The following C10orf67 variants were observed in gnomAD, a reference collection of about 807,000 sequenced individuals.
C10orf67 encodes chromosome 10 open reading frame 67, also known as uncharacterized protein C10orf67, mitochondrial.
In C10orf67, 60 loss-of-function variants were observed where a neutral mutation model predicts 35.6. The ratio of observed to expected loss-of-function variants is 1.68; its 90% CI spans 1.37 to 2.09. The LOEUF is 2.09. Among genes scored for constraint, C10orf67 ranks in the 30% most tolerant of loss-of-function variants. The pLI is 0.00. For synonymous variants in C10orf67, 167 were observed against 115.8 expected (o/e 1.44, Z -2.84); for missense variants, 474 against 330.2 (o/e 1.44, Z -3.38).
Position 23,344,027 on chromosome 10 carries a change from G to A in C10orf67, c.206+542C>T, listed in dbSNP as rs1483844938. ...GCAGCCCCGGACGTGCGCCTCCCGC[G>A]GAGCCGCTCGCTCTCCTGAGTCGGA... On this transcript the variant is annotated intron_variant, in intron 1 of 15. Transcript: ENST00000636213. 4 of 388,432 alleles carry A rather than the reference G, an allele frequency of 1.0e-5. No homozygotes were observed. In the Admixed American group the frequency reaches 1.1e-4, roughly 11 times the overall value. The allele number at this position is 388,432 out of a possible 1,614,324, so 24.1% of individuals were successfully genotyped here.
At chr10:23,254,040 ACTGGT>A (rs912006426) in intron 10 of C10orf67, among the ~76,000 whole-genome samples, 12 of 152,188 alleles carry the variant, frequency 7.9e-5, no homozygotes, top group Non-Finnish European at 1.8e-4. Flanking sequence ...GAATACACAC[ACTGGT>A]CTTTATGTGG....
At chr10:23,322,962 G>A (rs949690078) in intron 2 of C10orf67, among the ~76,000 whole-genome samples, 2 of 152,094 alleles carry the variant, frequency 1.3e-5, no homozygotes, top group South Asian at 2.1e-4. Context: ...CTGGGTTCCT[G>A]GTCAGAGGTC....
chr10:23,208,003 C>G (rs952968788), intron 15 of C10orf67, among the ~76,000 whole-genome samples: 13 of 152,166 alleles, frequency 8.5e-5, no homozygotes, highest in Non-Finnish European at 1.9e-4. Context: ...TTATGAAAGA[C>G]CGGGCTGCCA....
In C10orf67 at chr10:23,202,849, T is replaced by C. The variant is rs919237033; in HGVS notation, c.*1324A>G. 1 of 152,232 alleles carries C rather than the reference T, an allele frequency of 6.6e-6. No homozygotes were observed. The highest frequency in any genetic ancestry group is 6.5e-5 in the Admixed American group (1 of 15,286). The allele number at this position is 152,232 out of a possible 1,614,324, so 9.4% of individuals were successfully genotyped here. On this transcript the variant is annotated 3_prime_UTR_variant, in exon 16 of 16. Coordinates refer to ENST00000636213, the MANE Select transcript of C10orf67 (RefSeq NM_001371909.1). The stretch of plus-strand genomic sequence containing the variant: ...TCCAAGGAATTTCTGTCCAGGACGA[T>C]GGCACAGAGAATACAAATTTTATTT...
rs191117894 is a variant in C10orf67 at position 23,225,832 on chromosome 10, T to C, written c.1435-2014A>G. ...CGAGAAGAGCTAGCTATCCTAAATATATATGCACCCAATACAGGAGCAGCC... is the reference window on the plus strand; with the variant it reads ...CGAGAAGAGCTAGCTATCCTAAATACATATGCACCCAATACAGGAGCAGCC... On this transcript the variant is annotated intron_variant, in intron 13 of 15. Coordinates refer to ENST00000636213, the MANE Select transcript of C10orf67 (RefSeq NM_001371909.1). Among the ~76,000 whole-genome samples, 7 of 152,284 alleles carry C rather than the reference T, an allele frequency of 4.6e-5. No individual in the cohort carries two copies. The East Asian group carries it at 1.3e-3, about 29-fold the overall frequency.
chr10:23,315,604 G>C (rs1354541217), intron 4 of C10orf67, among the ~76,000 whole-genome samples: 1 of 151,818 alleles, frequency 6.6e-6, no homozygotes, highest in Non-Finnish European at 1.5e-5. Context: ...ATGCCCAGCT[G>C]ATCTTTTTGT....
chr10:23,322,594 C>T (rs1845003067), intron 2 of C10orf67, 57 bp from the exon 3 acceptor site: 2 of 1,188,774 alleles, frequency 1.7e-6, no homozygotes, highest in South Asian at 1.4e-5. Context: ...AAACCAAATA[C>T]TGCATGTTGT....
In C10orf67 at chr10:23,322,526, G is replaced by A. The variant is rs769147116; in HGVS notation, c.339C>T (p.Ser113=). The A allele has an allele frequency of 1.2e-6, 2 of 1,601,986 alleles. No homozygotes were observed. The highest frequency in any genetic ancestry group is 1.1e-5 in the South Asian group (1 of 89,722). Residue 113 remains serine, a synonymous_variant, in exon 3 of 16, where the codon TCC becomes TCT. Coordinates refer to ENST00000636213, the MANE Select transcript of C10orf67 (RefSeq NM_001371909.1). Reference sequence around the variant, plus strand: ...TGAGGAACCCAAAATCTACCTGGAGGGATTTCATCATCTAAAAATGGAAAA... The same window carrying A: ...TGAGGAACCCAAAATCTACCTGGAGAGATTTCATCATCTAAAAATGGAAAA... The part of the protein sequence containing the change: ...STQKLAQMMK[S]LQVDFGFLKQ...
chr10:23,310,839 C>G (rs1844468152), intron 4 of C10orf67, among the ~76,000 whole-genome samples: 1 of 152,206 alleles, frequency 6.6e-6, no homozygotes, highest in Non-Finnish European at 1.5e-5. Flanking sequence ...TCCTCTTGAC[C>G]AGCTTTGTCC....
At chr10:23,335,797 C>G (rs1159834819) in intron 1 of C10orf67, among the ~76,000 whole-genome samples, 1 of 152,160 alleles carries the variant, frequency 6.6e-6, no homozygotes, top group East Asian at 1.9e-4. Context: ...TTTCTCATTA[C>G]ATACACTCCA....
intron 4 of C10orf67, among the ~76,000 whole-genome samples, chr10:23,304,062 C>G (rs1844183620): frequency 6.6e-6 from 1 of 152,210 alleles, no homozygotes; most frequent in Non-Finnish European, 1.5e-5. Context: ...TGGTGACAAG[C>G]CCACAGGCCT....
chr10:23,306,000 T>A (rs1040430005), intron 4 of C10orf67, among the ~76,000 whole-genome samples: 1 of 151,196 alleles, frequency 6.6e-6, no homozygotes, highest in Non-Finnish European at 1.5e-5. Context: ...CTCTCTCACA[T>A]ACACACACAC....
chr10:23,227,839 T>C (rs1381506238), intron 13 of C10orf67, among the ~76,000 whole-genome samples: 1 of 152,188 alleles, frequency 6.6e-6, no homozygotes, highest in Non-Finnish European at 1.5e-5. Context: ...CCATTCATAA[T>C]TGCTTCAAAG....
chr10:23,224,352 G>A (rs990971471), intron 13 of C10orf67, among the ~76,000 whole-genome samples: 1 of 152,124 alleles, frequency 6.6e-6, no homozygotes, highest in South Asian at 2.1e-4. Flanking sequence ...AAACAGAAAG[G>A]ACATCCACAC....
In C10orf67 at chr10:23,292,895, A is replaced by T. The variant is rs192497907; in HGVS notation, c.703-1616T>A. On this transcript the variant is annotated intron_variant, in intron 5 of 15. Coordinates refer to ENST00000636213, the MANE Select transcript of C10orf67 (RefSeq NM_001371909.1). ...TAACAAACCTAGTAAGTAGTTAATA[A>T]ACAACACTGTTTTCTTAATAAACGA... Among the ~76,000 whole-genome samples, 121 of 152,348 alleles carry T rather than the reference A, an allele frequency of 7.9e-4. 2 individuals carry two copies. Among genetic ancestry groups the T allele is most frequent in the Admixed American group, 3.1e-3 (48 of 15,306 alleles).
chr10:23,283,693 A>G (rs1020852619), intron 7 of C10orf67, among the ~76,000 whole-genome samples: 1 of 152,072 alleles, frequency 6.6e-6, no homozygotes, highest in Non-Finnish European at 1.5e-5. Context: ...TTTGCGTGGT[A>G]CTTAGAATAC....
intron 13 of C10orf67, among the ~76,000 whole-genome samples, chr10:23,235,845 T>G (rs1240617261): frequency 1.3e-5 from 2 of 152,088 alleles, no homozygotes; most frequent in Admixed American, 1.3e-4. Context: ...GGGTGGGCAC[T>G]GTGGCTCACA....
rs369470563 is a variant in C10orf67, at chr10:23,231,744, A to G, written c.1435-7926T>C. Among the ~76,000 whole-genome samples the G allele has an allele frequency of 1.8e-4, 28 of 152,306 alleles. No individual in the cohort carries two copies. The South Asian group carries it at 4.3e-3, about 24-fold the overall frequency. On this transcript the variant is annotated intron_variant, in intron 13 of 15. Transcript: ENST00000636213. ...ATACTCATAATAGTAAAAAGTGAGAACCAACCTAAGTGTTGATGAGCAGCA... is the reference window on the plus strand; with the variant it reads ...ATACTCATAATAGTAAAAAGTGAGAGCCAACCTAAGTGTTGATGAGCAGCA...
At chr10:23,309,775 T>C (rs1228849416) in intron 4 of C10orf67, among the ~76,000 whole-genome samples, 2 of 152,182 alleles carry the variant, frequency 1.3e-5, no homozygotes, top group Non-Finnish European at 2.9e-5. Flanking sequence ...TCGGCCACTC[T>C]GGACTTCAGG....
Sources: gnomAD v4.1 joint callset for allele counts (sites outside exome capture counted in the v4.1 genomes callset) on GRCh38, gnomAD v4.1.1 for gene constraint, MANE v1.5 for transcripts, NCBI Gene and HGNC (gene_info 2026-07-23, HGNC 2026-07-21) for gene names.